NKD1: variants seen among roughly 807,000 people sequenced by gnomAD.
NKD1 encodes the protein protein naked cuticle homolog 1.
Under a neutral mutation model 56.0 loss-of-function variants are expected in NKD1, and 21 were observed. The ratio of observed to expected loss-of-function variants is 0.38; its 90% CI spans 0.27 to 0.54. The LOEUF (loss-of-function observed/expected upper bound fraction) is 0.54. NKD1 is among the 20% of genes least tolerant of loss of function. The probability of loss-of-function intolerance (pLI) is 0.82; values close to 1 mark genes in which losing one functional copy is unlikely to be tolerated. For synonymous variants in NKD1, 263 were observed against 265.7 expected (o/e 0.99, Z 0.10); for missense variants, 578 against 642.7 (o/e 0.90, Z 1.09).
At chr16:50,568,683 A>G (rs954540441) in intron 3 of NKD1, among the ~76,000 whole-genome samples, 5 of 152,106 alleles carry the variant, frequency 3.3e-5, no homozygotes, top group Non-Finnish European at 7.3e-5. Flanking sequence ...CCTCCTTAGC[A>G]GGTTGGAGAT....
rs371112468 is a variant in NKD1, at chr16:50,564,930, G to A, written c.192+15375G>A. Among the ~76,000 whole-genome samples, 4 of 152,236 alleles carry A rather than the reference G, an allele frequency of 2.6e-5. No homozygotes were observed. The East Asian group carries it at 7.7e-4, about 29-fold the overall frequency. On this transcript the variant is annotated intron_variant, in intron 3 of 9. Coordinates refer to ENST00000268459, the MANE Select transcript of NKD1 (RefSeq NM_033119.5). ...GCTTCCCCCTTTGGAGGTATCTGCTGTAGTGGGCTCCTCAAGATACTTCTA... is the reference window on the plus strand; with the variant it reads ...GCTTCCCCCTTTGGAGGTATCTGCTATAGTGGGCTCCTCAAGATACTTCTA...
intron 3 of NKD1, chr16:50,573,831 G>A: frequency 1.0e-6 from 1 of 985,426 alleles, no homozygotes; most frequent in African/African-American, 1.7e-5. Flanking sequence ...AACGGGTTGG[G>A]CTGGCCTCAG....
In NKD1 at chr16:50,630,229, C is replaced by T. The variant is rs1962312171; in HGVS notation, c.506C>T (p.Ser169Phe). The T allele has an allele frequency of 6.2e-7, 1 of 1,613,696 alleles. No homozygotes were observed. The highest frequency in any genetic ancestry group is 8.5e-7 in the Non-Finnish European group (1 of 1,179,712). Reference protein sequence around the residue: ...LLHTIYEVVDSSVNHSPTSSK... With the variant: ...LLHTIYEVVDFSVNHSPTSSK... Reference sequence around the variant, plus strand: ...CACACCATCTATGAGGTGGTGGACTCCTCTGTCAACCACTCCCCAACATCC... The same window carrying T: ...CACACCATCTATGAGGTGGTGGACTTCTCTGTCAACCACTCCCCAACATCC... Residue 169 changes from serine (S) to phenylalanine (F), a missense_variant, in exon 7 of 10, where the codon TCC (serine) becomes TTC (phenylalanine). By Grantham distance (155) the Ser-to-Phe change is radical. Transcript: ENST00000268459.
At chr16:50,564,511 T>A (rs61339988) in intron 3 of NKD1, among the ~76,000 whole-genome samples, 6,286 of 152,262 alleles carry the variant, frequency 0.041, 448 homozygotes, top group African/African-American at 0.14. Flanking sequence ...ATTATTATTA[T>A]GGGGAAACTG....
rs1962674940 is a variant in NKD1, at chr16:50,646,160, A to G, written c.*12379A>G. On this transcript the variant is annotated 3_prime_UTR_variant, in exon 10 of 10. Coordinates refer to ENST00000268459, the MANE Select transcript of NKD1 (RefSeq NM_033119.5). ...GGGGGCGGCCGAAACTCTATTAGGC[A>G]TGCTCTAGCAAAAAGAAAGGCAAAT... 6.6e-6 allele frequency: 1 copy of G among 152,170 alleles called. No individual in the cohort carries two copies. Among genetic ancestry groups the G allele is most frequent in the African/African-American group, 2.4e-5 (1 of 41,438 alleles). 9.4% of individuals were successfully genotyped at this position (152,170 alleles called of 1,614,324 possible). A position where few individuals can be genotyped will look rare whatever the true frequency, so the allele number is the denominator to read the frequency against.
chr16:50,587,734 G>A (rs76402140), intron 3 of NKD1, among the ~76,000 whole-genome samples: 2 of 152,180 alleles, frequency 1.3e-5, no homozygotes, highest in African/African-American at 4.8e-5. Flanking sequence ...GGCCAAGGGT[G>A]GGTACAGGTC....
intron 8 of NKD1, among the ~76,000 whole-genome samples, chr16:50,631,406 A>G (rs924146414): frequency 6.6e-6 from 1 of 152,204 alleles, no homozygotes; most frequent in African/African-American, 2.4e-5. Context: ...GGAGGAAAGG[A>G]AAGAGAGATT....
intron 5 of NKD1, among the ~76,000 whole-genome samples, chr16:50,622,981 G>A (rs1308998933): frequency 6.6e-6 from 1 of 152,092 alleles, no homozygotes; most frequent in African/African-American, 2.4e-5. Flanking sequence ...AGGGAACAGC[G>A]GCTGTGGATA....
intron 3 of NKD1, chr16:50,575,227 G>A: frequency 1.0e-6 from 1 of 985,382 alleles, no homozygotes; most frequent in Non-Finnish European, 1.2e-6. Context: ...TTTAACTAGG[G>A]GCTGAGAGAT....
chr16:50,550,012 T>A lies in NKD1; in HGVS notation c.192+457T>A, dbSNP rs549205305. ...CTGTGGCATTCATCAGTACCACCTG[T>A]ACAGGAACCCCAGTAGAGCAGGCGG... is the stretch of plus-strand genomic sequence containing the variant. On this transcript the variant is annotated intron_variant, in intron 3 of 9. Coordinates refer to ENST00000268459, the MANE Select transcript of NKD1 (RefSeq NM_033119.5). Among the ~76,000 whole-genome samples, 70 of 152,164 alleles carry A rather than the reference T, an allele frequency of 4.6e-4. 1 individual carries two copies. Among genetic ancestry groups the A allele is most frequent in the African/African-American group, 1.6e-3 (68 of 41,498 alleles).
intron 3 of NKD1, among the ~76,000 whole-genome samples, chr16:50,555,156 A>T (rs1303011824): frequency 2.6e-5 from 4 of 152,054 alleles, no homozygotes; most frequent in African/African-American, 9.7e-5. Flanking sequence ...GGTGGGGGGA[A>T]GAGCTGACCG....
chr16:50,604,423 C>T (rs747183913), intron 3 of NKD1, among the ~76,000 whole-genome samples: 32 of 152,160 alleles, frequency 2.1e-4, no homozygotes, highest in Non-Finnish European at 3.8e-4. Context: ...TCGGCTTGTC[C>T]CAGCAGTGTT....
chr16:50,635,003 A>G lies in NKD1; in HGVS notation c.*1222A>G, dbSNP rs1050809085. On this transcript the variant is annotated 3_prime_UTR_variant, in exon 10 of 10. Coordinates refer to ENST00000268459, the MANE Select transcript of NKD1 (RefSeq NM_033119.5). The surrounding 1 kb of genome is among the most constrained non-coding windows in gnomAD (Gnocchi z 4.1). ...AGAGCCTGGAGAAACCTGAAAAAGA[A>G]CCAGTCAGCTAGCCAGGGTCTCAGA... The G allele has an allele frequency of 2.0e-5, 3 of 152,192 alleles. No homozygotes were observed. Among genetic ancestry groups the G allele is most frequent in the African/African-American group, 7.2e-5 (3 of 41,432 alleles). 9.4% of individuals were successfully genotyped at this position (152,192 alleles called of 1,614,324 possible). A position where few individuals can be genotyped will look rare whatever the true frequency, so the allele number is the denominator to read the frequency against.
In NKD1 at chr16:50,590,737, C is replaced by T. The variant is rs76237196; in HGVS notation, c.193-17557C>T. On this transcript the variant is annotated intron_variant, in intron 3 of 9. Coordinates refer to ENST00000268459, the MANE Select transcript of NKD1 (RefSeq NM_033119.5). ...GCCTCAGGCCATGTGGGGGCATGGT[C>T]TGGGCCCCACACCACCTGGCAATGC... Among the ~76,000 whole-genome samples, 659 of 152,354 alleles carry T rather than the reference C, an allele frequency of 4.3e-3. 4 individuals carry two copies. Among genetic ancestry groups the T allele is most frequent in the Non-Finnish European group, 4.6e-3 (316 of 68,036 alleles).
At chr16:50,608,574 C>T (rs904551552) in intron 4 of NKD1, 47 of 589,306 alleles carry the variant, frequency 8.0e-5, no homozygotes, top group East Asian at 2.0e-4. Context: ...GGTGGGGGTC[C>T]GGTCACCTAG....
In NKD1 at chr16:50,625,608, G is replaced by A. The variant is rs550546972; in HGVS notation, c.462+28G>A. ...GAGTGCACCTGCCTGGCCTCTTGCC[G>A]TGTATCATACCCGCAGGCACAGGGC... On this transcript the variant is annotated intron_variant, in intron 6 of 9. Coordinates refer to ENST00000268459, the MANE Select transcript of NKD1 (RefSeq NM_033119.5). The A allele has an allele frequency of 5.6e-5, 81 of 1,442,036 alleles. 1 individual carries two copies. Among genetic ancestry groups the A allele is most frequent in the Non-Finnish European group, 6.8e-5 (70 of 1,024,758 alleles). 89.3% of individuals were successfully genotyped at this position (1,442,036 alleles called of 1,614,324 possible).
chr16:50,618,453 G>A (rs1247175760), intron 4 of NKD1, among the ~76,000 whole-genome samples: 2 of 152,188 alleles, frequency 1.3e-5, no homozygotes, highest in Non-Finnish European at 2.9e-5. Flanking sequence ...ACTCACTGAT[G>A]GGTGGAGGGT....
At position 50,556,960 on chromosome 16, in the gene NKD1, G is replaced by A. The variant is rs376308854; in HGVS notation, c.192+7405G>A. ...GTAAATTGTGTGTCATGGGAGTTTC[G>A]TGTGCAGGTTATTTCATCCCCCAGG... On this transcript the variant is annotated intron_variant, in intron 3 of 9. Coordinates refer to ENST00000268459, the MANE Select transcript of NKD1 (RefSeq NM_033119.5). 1.3e-4 allele frequency: 20 copies of A among 152,164 alleles called. No homozygotes were observed. In the East Asian group the frequency reaches 2.7e-3, roughly 21 times the overall value. 9.4% of individuals were successfully genotyped at this position (152,164 alleles called of 1,614,324 possible).
Position 50,623,725 on chromosome 16 carries a change from CTGTGTGTG to C in NKD1, c.367-1728_367-1721del, listed in dbSNP as rs71928407. On this transcript the variant is annotated intron_variant, in intron 5 of 9. Coordinates refer to ENST00000268459, the MANE Select transcript of NKD1 (RefSeq NM_033119.5). This position sits in a 1 kb window ranked among gnomAD's most constrained non-coding sequence, Gnocchi z 4.1. The stretch of plus-strand genomic sequence containing the variant: ...AAGCTGTCTTGGAAACAGGTAAGTG[CTGTGTGTG>C]TGTGTGTGTGTGTGTGTGTGTGTGT... Among the ~76,000 whole-genome samples, 47 of 141,632 alleles carry C rather than the reference CTGTGTGTG, an allele frequency of 3.3e-4. No individual in the cohort carries two copies. The highest frequency in any genetic ancestry group is 7.1e-3 in the Middle Eastern group (2 of 280). 92.9% of individuals were successfully genotyped at this position (141,632 alleles called of 152,430 possible). A position where few individuals can be genotyped will look rare whatever the true frequency, so the allele number is the denominator to read the frequency against.
Sources: allele counts gnomAD v4.1 joint callset (sites outside exome capture counted in the v4.1 genomes callset), GRCh38; gene constraint gnomAD v4.1.1; non-coding constraint Gnocchi (gnomAD v3.1); transcripts MANE v1.5; gene names NCBI Gene and HGNC (gene_info 2026-07-23, HGNC 2026-07-21).